Variants in PIEZO2 observed in about 807,000 individuals in gnomAD.
PIEZO2 encodes piezo-type mechanosensitive ion channel component 2.
A neutral mutation model predicts 337.3 loss-of-function variants in PIEZO2; 172 were observed. The observed-to-expected ratio is 0.51, with a 90% CI of 0.45 to 0.58. The LOEUF is 0.58. Ranked by LOEUF, PIEZO2 falls within the 20% of genes least tolerant of loss-of-function variation. The pLI is 0.00. For missense variants in PIEZO2, 3,028 were observed against 3,391.3 expected (o/e 0.89, Z 2.66); for synonymous variants, 1,251 against 1,228.5 (o/e 1.02, Z -0.38).
At chr18:10,882,610 C>T (rs2042453374) in intron 4 of PIEZO2, among the ~76,000 whole-genome samples, 1 of 151,830 alleles carries the variant, frequency 6.6e-6, no homozygotes, top group Non-Finnish European at 1.5e-5. Context: ...TTCCCATCAT[C>T]TCCTCCTTCT....
chr18:11,053,182 C>G (rs1359212295), intron 2 of PIEZO2, among the ~76,000 whole-genome samples: 1 of 152,094 alleles, frequency 6.6e-6, no homozygotes, highest in Non-Finnish European at 1.5e-5. Context: ...ATTTTATGAA[C>G]TTAGTAGAGA....
chr18:11,127,317 T>A lies in PIEZO2; in HGVS notation c.64+21208A>T, dbSNP rs1450020574. On this transcript the variant is annotated intron_variant, in intron 1 of 55. Transcript: ENST00000674853. This position sits in a 1 kb window ranked among gnomAD's most constrained non-coding sequence, Gnocchi z 4.5. ...AAATAGTTGCATCTGAATGTGATGG[T>A]TAATACTGAGTGTGAACTTGATTGG... 6.6e-6 allele frequency among the ~76,000 whole-genome samples: 1 copy of A among 152,180 alleles called. No individual in the cohort carries two copies. The highest frequency in any genetic ancestry group is 1.9e-4 in the East Asian group (1 of 5,194).
Position 10,748,510 on chromosome 18 carries a change from A to G in PIEZO2, c.4385T>C (p.Val1462Ala), listed in dbSNP as rs1482886450. Reference protein sequence around the residue: ...RVFMSYYFLHVVADIKASQIL... With the variant: ...RVFMSYYFLHAVADIKASQIL... ...CTGGGAAGCTTTTATATCAGCCACA[A>G]CATGTAGAAAATAATAACTCATGAA... Residue 1462 changes from valine (V) to alanine (A), a missense_variant, in exon 30 of 56, where the codon GTT (valine) becomes GCT (alanine). Around this residue, in one of 5 missense-constraint regions of PIEZO2, gnomAD observed 1,925 missense variants for 2,051.9 expected, o/e 0.94. Coordinates refer to ENST00000674853, the MANE Select transcript of PIEZO2 (RefSeq NM_001378183.1). The surrounding 1 kb of genome is among the most constrained non-coding windows in gnomAD (Gnocchi z 5.1). 6.5e-7 allele frequency: 1 copy of G among 1,537,156 alleles called. No homozygotes were observed.
At chr18:11,056,100 G>A (rs2037724758) in intron 2 of PIEZO2, among the ~76,000 whole-genome samples, 1 of 152,202 alleles carries the variant, frequency 6.6e-6, no homozygotes, top group Admixed American at 6.5e-5. Context: ...AGATTGTCAT[G>A]CTCTTGCAGT....
In PIEZO2 at chr18:10,877,909, T is replaced by C. The variant is rs1243400245; in HGVS notation, c.330-6494A>G. On this transcript the variant is annotated intron_variant, in intron 4 of 55. Coordinates refer to ENST00000674853, the MANE Select transcript of PIEZO2 (RefSeq NM_001378183.1). This position sits in a 1 kb window ranked among gnomAD's most constrained non-coding sequence, Gnocchi z 5.3. ...TACCTCAAATTCCGGCCATACTGAA[T>C]GCACGTACCCAGAACGCGCCAGTGT... Among the ~76,000 whole-genome samples, 1 of 152,122 alleles carries C rather than the reference T, an allele frequency of 6.6e-6. No individual in the cohort carries two copies. The highest frequency in any genetic ancestry group is 2.4e-5 in the African/African-American group (1 of 41,420).
In PIEZO2 at chr18:10,846,383, G is replaced by A. The variant is rs2041363628; in HGVS notation, c.917+8970C>T. On this transcript the variant is annotated intron_variant, in intron 7 of 55. Coordinates refer to ENST00000674853, the MANE Select transcript of PIEZO2 (RefSeq NM_001378183.1). This position sits in a 1 kb window ranked among gnomAD's most constrained non-coding sequence, Gnocchi z 4.1. ...CATAATTCAATCACCTCCCACCGGGGATGAGATTTGGGTGGGGTCATAGCA... is the reference window on the plus strand; with the variant it reads ...CATAATTCAATCACCTCCCACCGGGAATGAGATTTGGGTGGGGTCATAGCA... 6.6e-6 allele frequency among the ~76,000 whole-genome samples: 1 copy of A among 152,174 alleles called. No homozygotes were observed. Among genetic ancestry groups the A allele is most frequent in the South Asian group, 2.1e-4 (1 of 4,814 alleles).
At chr18:10,827,855 G>A (rs985164147) in intron 7 of PIEZO2, among the ~76,000 whole-genome samples, 1 of 152,146 alleles carries the variant, frequency 6.6e-6, no homozygotes, top group Non-Finnish European at 1.5e-5. Context: ...GCTTCTTGAT[G>A]TGTAGCTGTT....
rs187230297 is a variant in PIEZO2, at chr18:11,085,916, C to A, written c.65-19694G>T. On this transcript the variant is annotated intron_variant, in intron 1 of 55. Coordinates refer to ENST00000674853, the MANE Select transcript of PIEZO2 (RefSeq NM_001378183.1). Reference sequence around the variant, plus strand: ...GGGAGGTAGGGGGTATAATGGAAACCCTAATGGTACATGTGGTCATCTGAA... The same window carrying A: ...GGGAGGTAGGGGGTATAATGGAAACACTAATGGTACATGTGGTCATCTGAA... Among the ~76,000 whole-genome samples the A allele has an allele frequency of 1.1e-3, 170 of 151,592 alleles. 1 individual carries two copies. Among genetic ancestry groups the A allele is most frequent in the African/African-American group, 3.9e-3 (163 of 41,372 alleles).
In PIEZO2 at chr18:10,853,128, G is replaced by C. The variant is rs932028649; in HGVS notation, c.917+2225C>G. Among the ~76,000 whole-genome samples the C allele has an allele frequency of 6.6e-6, 1 of 152,158 alleles. No individual in the cohort carries two copies. Among genetic ancestry groups the C allele is most frequent in the Non-Finnish European group, 1.5e-5 (1 of 68,026 alleles). Reference sequence around the variant, plus strand: ...TGAGGGAAGAGCACTTCAAGTGAGCGAAGAGCACTTCAAGTGAGCATGCGC... The same window carrying C: ...TGAGGGAAGAGCACTTCAAGTGAGCCAAGAGCACTTCAAGTGAGCATGCGC... On this transcript the variant is annotated intron_variant, in intron 7 of 55. Transcript: ENST00000674853. The surrounding 1 kb of genome is among the most constrained non-coding windows in gnomAD (Gnocchi z 4.2).
chr18:10,757,835 C>T, intron 27 of PIEZO2, 134 bp downstream of exon 27: 1 of 1,004,636 alleles, frequency 1.0e-6, no homozygotes, highest in South Asian at 1.8e-5. Flanking sequence ...ACCACATTGT[C>T]CAGCATTTAT....
At chr18:10,864,925 C>T (rs371848171) in intron 5 of PIEZO2, among the ~76,000 whole-genome samples, 9 of 152,040 alleles carry the variant, frequency 5.9e-5, no homozygotes, top group East Asian at 5.8e-4. Context: ...GAAGAGCATC[C>T]GTGCAAGAGT....
chr18:11,072,935 C>A lies in PIEZO2; in HGVS notation c.65-6713G>T, dbSNP rs141866019. 5.6e-4 allele frequency among the ~76,000 whole-genome samples: 85 copies of A among 152,344 alleles called. 1 individual carries two copies. In the East Asian group the frequency reaches 0.015, roughly 26 times the overall value. ...ATATTGCCTCAGACCCCTTCACGCA[C>A]CCTCTGCACTTAGCACAGGGCCCTC... On this transcript the variant is annotated intron_variant, in intron 1 of 55. Coordinates refer to ENST00000674853, the MANE Select transcript of PIEZO2 (RefSeq NM_001378183.1).
At chr18:10,671,976 T>C (rs1199830632) in intron 55 of PIEZO2, among the ~76,000 whole-genome samples, 197 bp from the exon 56 acceptor site, 1 of 152,210 alleles carries the variant, frequency 6.6e-6, no homozygotes, top group Non-Finnish European at 1.5e-5. Context: ...AATAGAATTA[T>C]GTATTACAGA....
chr18:10,787,024 A>C lies in PIEZO2; in HGVS notation c.2318+12T>G. ...TCATCTTGTTCATCATTTTCAACTC[A>C]AAATCACTTACTTTTCTTTTTTCAG... On this transcript the variant is annotated intron_variant, in intron 16 of 55. Transcript: ENST00000674853. 6.6e-7 allele frequency: 1 copy of C among 1,526,420 alleles called. No homozygotes were observed. The highest frequency in any genetic ancestry group is 8.8e-7 in the Non-Finnish European group (1 of 1,141,200). 94.6% of individuals were successfully genotyped at this position (1,526,420 alleles called of 1,614,324 possible).
At position 11,070,528 on chromosome 18, in the gene PIEZO2, A is replaced by G. The variant is rs1202306368; in HGVS notation, c.65-4306T>C. ...ACTGGCAGGTAGGAAAGAAAAAAGC[A>G]GCAGAAAAATTCGAGACGGATATGA... On this transcript the variant is annotated intron_variant, in intron 1 of 55. Transcript: ENST00000674853. This position sits in a 1 kb window ranked among gnomAD's most constrained non-coding sequence, Gnocchi z 4.3. Among the ~76,000 whole-genome samples the G allele has an allele frequency of 6.6e-6, 1 of 152,254 alleles. No homozygotes were observed. Among genetic ancestry groups the G allele is most frequent in the Non-Finnish European group, 1.5e-5 (1 of 68,048 alleles).
At chr18:10,909,529 T>TGG (rs2030271616) in intron 4 of PIEZO2, among the ~76,000 whole-genome samples, 1 of 19,212 alleles carries the variant, frequency 5.2e-5, no homozygotes, top group African/African-American at 2.0e-4. Flanking sequence ...ATGATGGCAC[T>TGG]ATTCTGGAAG....
chr18:10,725,397 T>C (rs1190753647), intron 36 of PIEZO2: 11 of 1,605,362 alleles, frequency 6.9e-6, no homozygotes, highest in South Asian at 3.3e-5. Context: ...CCGGCCCACA[T>C]TGGCGGTCAA....
At chr18:10,829,155 G>A (rs1008892095) in intron 7 of PIEZO2, among the ~76,000 whole-genome samples, 9 of 151,914 alleles carry the variant, frequency 5.9e-5, no homozygotes, top group Admixed American at 5.2e-4. Context: ...TAAAATACAA[G>A]TTTTATAACT....
intron 5 of PIEZO2, 78 bp downstream of exon 5, chr18:10,871,175 A>G (rs1051909420): frequency 7.3e-6 from 10 of 1,363,996 alleles, no homozygotes; most frequent in South Asian, 1.4e-5. Flanking sequence ...CTCAGCTGTT[A>G]TTATCATAGT....
Sources: gnomAD v4.1 joint callset for allele counts (sites outside exome capture counted in the v4.1 genomes callset) on GRCh38, gnomAD v4.1.1 for gene constraint, gnomAD v4.1.1 regional missense constraint, Gnocchi (gnomAD v3.1) non-coding constraint, MANE v1.5 for transcripts, NCBI Gene and HGNC (gene_info 2026-07-23, HGNC 2026-07-21) for gene names.